The following TG variants were observed in gnomAD, a reference collection of about 807,000 sequenced individuals.
The protein encoded by TG is thyroglobulin, also known as thyroid hormones.
Under a neutral mutation model 324.7 loss-of-function variants are expected in TG, and 270 were observed. The observed-to-expected ratio is 0.83, with a 90% CI of 0.75 to 0.92. The LOEUF is 0.92. TG is among the 40% of genes least tolerant of loss of function. TG has a pLI of 0.00. For synonymous variants in TG, 1,401 were observed against 1,327.0 expected, an observed-to-expected ratio of 1.06 and a Z score of -1.21; for missense variants, 3,591 against 3,456.4, an observed-to-expected ratio of 1.04 and a Z score of -0.98.
At chr8:133,109,238 A>G (rs1564200410) in intron 43 of TG, among the ~76,000 whole-genome samples, 1 of 152,198 alleles carries the variant, frequency 6.6e-6, no homozygotes, top group African/African-American at 2.4e-5. Context: ...CGGCATCAGC[A>G]TCACCTGGGA....
intron 41 of TG, among the ~76,000 whole-genome samples, chr8:133,062,453 AG>A (rs1345625565): frequency 6.6e-6 from 1 of 152,258 alleles, no homozygotes; most frequent in African/African-American, 2.4e-5. Context: ...GCAGTTCAGC[AG>A]ACACTTCCTG....
chr8:132,930,933 T>C (rs1215605920), intron 23 of TG, among the ~76,000 whole-genome samples: 3 of 152,096 alleles, frequency 2.0e-5, no homozygotes, highest in Admixed American at 6.6e-5. Flanking sequence ...AGCAGAGCAA[T>C]CCAAGACAAG....
At chr8:133,002,040 T>A (rs1833563253) in intron 35 of TG, 7 of 985,442 alleles carry the variant, frequency 7.1e-6, no homozygotes, top group Non-Finnish European at 7.2e-6. Context: ...CCTAAGAAAG[T>A]CATGTGATCT....
intron 41 of TG, chr8:133,060,099 C>G: frequency 1.3e-6 from 2 of 1,593,752 alleles, no homozygotes; most frequent in Non-Finnish European, 8.5e-7. Flanking sequence ...GCCAGACTTA[C>G]CCTCCGGGTT....
rs779146886 is a variant in TG, at chr8:132,911,546, G to A, written c.4159+13G>A. ...TTACATGACATTGGTATGTTTTTCT[G>A]TGGTAGTACCTAGAATAAGCTATGC... is the stretch of plus-strand genomic sequence containing the variant. On this transcript the variant is annotated intron_variant, in intron 19 of 47. Transcript: ENST00000220616. 2.5e-6 allele frequency: 4 copies of A among 1,604,690 alleles called. No individual in the cohort carries two copies. The highest frequency in any genetic ancestry group is 4.5e-5 in the East Asian group (2 of 44,854).
In TG at chr8:133,022,252, C is replaced by A; in HGVS notation, c.7036+102C>A. The A allele has an allele frequency of 3.3e-6, 5 of 1,505,084 alleles. No homozygotes were observed. The South Asian group carries it at 4.5e-5, about 14-fold the overall frequency. The allele number at this position is 1,505,084 out of a possible 1,614,324, so 93.2% of individuals were successfully genotyped here. A position where few individuals can be genotyped will look rare whatever the true frequency, so the allele number is the denominator to read the frequency against. The stretch of plus-strand genomic sequence containing the variant: ...TCACTGCCCCTGCTCCTCCTCCAGC[C>A]AAGCTAGGCACACAGTGGAAATTTT... On this transcript the variant is annotated intron_variant, in intron 40 of 47. Coordinates refer to ENST00000220616, the MANE Select transcript of TG (RefSeq NM_003235.5).
intron 31 of TG, 55 bp downstream of exon 31, chr8:132,968,025 G>C: frequency 6.3e-7 from 1 of 1,595,304 alleles, no homozygotes; most frequent in Non-Finnish European, 8.5e-7. Context: ...TGCTGGCTCT[G>C]TGGTTTTAGA....
At chr8:133,052,726 G>GA (rs1215653047) in intron 41 of TG, among the ~76,000 whole-genome samples, 5 of 152,116 alleles carry the variant, frequency 3.3e-5, no homozygotes, top group African/African-American at 7.2e-5. Context: ...TCCTCTTTAA[G>GA]AAAAAAATAC....
intron 39 of TG, among the ~76,000 whole-genome samples, 198 bp downstream of exon 39, chr8:133,019,893 C>T (rs1230464488): frequency 6.6e-6 from 1 of 152,166 alleles, no homozygotes; most frequent in African/African-American, 2.4e-5. Flanking sequence ...TGGCTAGAAC[C>T]AGTGAGTGGT....
intron 45 of TG, among the ~76,000 whole-genome samples, chr8:133,117,779 C>T (rs925071042): frequency 3.9e-5 from 6 of 152,196 alleles, no homozygotes; most frequent in Admixed American, 3.3e-4. Context: ...CAAGAACATT[C>T]ATCACTCACA....
At chr8:132,977,829 C>G (rs1381014445) in intron 34 of TG, among the ~76,000 whole-genome samples, 1 of 152,160 alleles carries the variant, frequency 6.6e-6, no homozygotes, top group East Asian at 1.9e-4. Context: ...CCATATCACA[C>G]TAGGTCCCCT....
At chr8:132,993,340 T>C (rs1034270885) in intron 35 of TG, among the ~76,000 whole-genome samples, 1 of 152,200 alleles carries the variant, frequency 6.6e-6, no homozygotes, top group African/African-American at 2.4e-5. Context: ...GCAGCCAAGT[T>C]TTGAACCCTC....
In TG at chr8:132,888,338, A is replaced by G. The variant is rs1006607280; in HGVS notation, c.2531A>G (p.Asp844Gly). The G allele has an allele frequency of 6.2e-7, 1 of 1,614,172 alleles. No homozygotes were observed. The highest frequency in any genetic ancestry group is 8.5e-7 in the Non-Finnish European group (1 of 1,180,038). ...CTGTCACAATACCCTTCTCTGCAAG[A>G]TGTCCCACTAGCAGCACTGGAAGGG... ...PVLSQYPSLQ[D>G]VPLAALEGKR... Residue 844 changes from aspartate (D) to glycine (G), a missense_variant, in exon 10 of 48, where the codon GAT (aspartate) becomes GGT (glycine). Physicochemically the swap from Asp to Gly is moderately conservative, Grantham distance 94 (BLOSUM62 -1). Transcript: ENST00000220616.
In TG at chr8:132,975,939, A is replaced by G. The variant is rs934903797; in HGVS notation, c.6199+3198A>G. Among the ~76,000 whole-genome samples the G allele has an allele frequency of 2.6e-5, 4 of 152,304 alleles. No homozygotes were observed. In the East Asian group the frequency reaches 7.7e-4, roughly 29 times the overall value. On this transcript the variant is annotated intron_variant, in intron 34 of 47. Transcript: ENST00000220616. Reference sequence around the variant, plus strand: ...ATTCTTGTGCTGGGTCTCTCTTACTATAAGTTTTTCAACTTTACTGAGTGT... The same window carrying G: ...ATTCTTGTGCTGGGTCTCTCTTACTGTAAGTTTTTCAACTTTACTGAGTGT...
chr8:133,087,297 G>A (rs948722840), intron 41 of TG, among the ~76,000 whole-genome samples: 2 of 152,150 alleles, frequency 1.3e-5, no homozygotes, highest in Non-Finnish European at 2.9e-5. Context: ...ATAAGCTAAG[G>A]TCGCACTGAT....
chr8:133,029,260 C>A (rs573760861), intron 40 of TG, among the ~76,000 whole-genome samples: 7 of 150,918 alleles, frequency 4.6e-5, no homozygotes, highest in African/African-American at 1.5e-4. Context: ...GAGTTTTCAA[C>A]AAATGTTAAT....
chr8:132,987,748 G>T (rs917179015), intron 35 of TG, among the ~76,000 whole-genome samples: 1 of 151,718 alleles, frequency 6.6e-6, no homozygotes, highest in Non-Finnish European at 1.5e-5. Flanking sequence ...GTGTGTGTGT[G>T]TATAAGCCAC....
chr8:133,036,605 A>G (rs1048594811), intron 41 of TG: 2 of 152,356 alleles, frequency 1.3e-5, no homozygotes, highest in Non-Finnish European at 2.9e-5. Context: ...GCTAACTGGC[A>G]CCAGGTTTCT....
At chr8:132,972,567 TG>T in intron 33 of TG, 30 bp from the exon 34 acceptor site, 7 of 1,457,662 alleles carry the variant, frequency 4.8e-6, no homozygotes, top group Admixed American at 1.8e-5. Flanking sequence ...TTCCTGATTG[TG>T]GTTTTTTGTT....
Sources: gnomAD v4.1 joint callset for allele counts (sites outside exome capture counted in the v4.1 genomes callset) on GRCh38, gnomAD v4.1.1 for gene constraint, MANE v1.5 for transcripts, NCBI Gene and HGNC (gene_info 2026-07-23, HGNC 2026-07-21) for gene names.